SLC4A4: variants seen among roughly 807,000 people sequenced by gnomAD.
The protein encoded by SLC4A4 is electrogenic sodium bicarbonate cotransporter 1.
SLC4A4 carries 27 observed loss-of-function variants against 111.5 expected under a neutral mutation model. The observed-to-expected ratio is 0.24, with a 90% confidence interval of 0.18 to 0.33. The LOEUF (loss-of-function observed/expected upper bound fraction) is 0.33. Among genes scored for constraint, SLC4A4 ranks in the 10% least tolerant of loss-of-function variants. The pLI is 1.00. For missense variants in SLC4A4, 909 were observed against 1,315.5 expected, an observed-to-expected ratio of 0.69 and a Z score of 4.78; for synonymous variants, 443 against 463.4, an observed-to-expected ratio of 0.96 and a Z score of 0.57.
At chr4:71,254,892 G>C (rs10938138) in intron 2 of SLC4A4, among the ~76,000 whole-genome samples, 25,760 of 151,928 alleles carry the variant, frequency 0.17, 2,695 homozygotes, top group East Asian at 0.44. Flanking sequence ...ACATGCTTAA[G>C]GTCAGACAAC....
intron 1 of SLC4A4, among the ~76,000 whole-genome samples, chr4:71,085,740 G>A (rs1198034065): frequency 6.6e-6 from 1 of 151,892 alleles, no homozygotes; most frequent in Non-Finnish European, 1.5e-5. Context: ...ATTTCTGAGG[G>A]CTCTGTTCTG....
intron 17 of SLC4A4, among the ~76,000 whole-genome samples, chr4:71,533,037 A>C (rs531654907): frequency 6.6e-6 from 1 of 152,104 alleles, no homozygotes; most frequent in South Asian, 2.1e-4. Context: ...TCTTTTATCT[A>C]TTTTCTAGAA....
At chr4:71,358,929 C>T (rs1190301415) in intron 6 of SLC4A4, among the ~76,000 whole-genome samples, 2 of 151,950 alleles carry the variant, frequency 1.3e-5, no homozygotes, top group African/African-American at 4.8e-5. Flanking sequence ...TGATTTAATT[C>T]GTTTATCATG....
chr4:71,488,782 C>T (rs780007632), intron 15 of SLC4A4, among the ~76,000 whole-genome samples: 1 of 151,508 alleles, frequency 6.6e-6, no homozygotes, highest in Non-Finnish European at 1.5e-5. Flanking sequence ...TATAGATGCC[C>T]CATATTCCAG....
chr4:71,103,168 C>T (rs1038974885), intron 2 of SLC4A4, among the ~76,000 whole-genome samples: 4 of 151,428 alleles, frequency 2.6e-5, no homozygotes, highest in East Asian at 1.9e-4. Flanking sequence ...TCAAAAGAGA[C>T]AAAGAAGGCC....
intron 7 of SLC4A4, among the ~76,000 whole-genome samples, chr4:71,439,186 T>C (rs1724438574): frequency 6.6e-6 from 1 of 151,556 alleles, no homozygotes; most frequent in Non-Finnish European, 1.5e-5. Flanking sequence ...CCCAGCACTT[T>C]GGGAGGCTGA....
At chr4:71,159,234 T>C (rs1039809233) in intron 2 of SLC4A4, among the ~76,000 whole-genome samples, 31 of 152,214 alleles carry the variant, frequency 2.0e-4, no homozygotes, top group African/African-American at 7.2e-4. Context: ...GGATAGACCA[T>C]AGAGTTTTAA....
chr4:71,345,650 C>A (rs1729261307), intron 4 of SLC4A4, among the ~76,000 whole-genome samples: 1 of 152,088 alleles, frequency 6.6e-6, no homozygotes, highest in South Asian at 2.1e-4. Flanking sequence ...GATTTAAGGG[C>A]ATGGCCATTA....
chr4:71,247,034 G>A (rs1398177752), intron 2 of SLC4A4, among the ~76,000 whole-genome samples: 1 of 151,926 alleles, frequency 6.6e-6, no homozygotes, highest in African/African-American at 2.4e-5. Flanking sequence ...TGAAGATTCT[G>A]GGATTCTAGG....
At position 71,563,882 on chromosome 4, in the gene SLC4A4, T is replaced by G. The variant is rs1198227601; in HGVS notation, c.3189T>G (p.Pro1063=). The part of the protein sequence containing the change: ...EQQPFLSDSK[P]SDRERSPTFL... ...AACCTTTCCTAAGCGATAGCAAACC[T>G]TCTGACAGTGAGTAGAACTAACCTC... The change falls in exon 24 of 26, where the codon CCT becomes CCG. Residue 1063 remains proline (P), a synonymous_variant. Transcript: ENST00000264485. The G allele has an allele frequency of 1.9e-6, 3 of 1,602,030 alleles. No homozygotes were observed. Among genetic ancestry groups the G allele is most frequent in the South Asian group, 1.1e-5 (1 of 90,844 alleles).
At chr4:71,312,710 A>C (rs1406772847) in intron 3 of SLC4A4, among the ~76,000 whole-genome samples, 1 of 152,142 alleles carries the variant, frequency 6.6e-6, no homozygotes, top group African/African-American at 2.4e-5. Context: ...AGGCCTTTGA[A>C]AAAATTCAAC....
rs1277043459 is a variant in SLC4A4, at chr4:71,089,435, G to T, written c.-64-3295G>T. On this transcript the variant is annotated intron_variant, in intron 1 of 26. Coordinates refer to the SLC4A4 transcript ENST00000649996. ...CTCTGTCCAGCTTTGTTCCATTGCT[G>T]GTGAGGAGCTGTGTTCCTTTGGAGG... is the stretch of plus-strand genomic sequence containing the variant. Among the ~76,000 whole-genome samples, 10 of 152,166 alleles carry T rather than the reference G, an allele frequency of 6.6e-5. No homozygotes were observed. The South Asian group carries it at 1.9e-3, about 28-fold the overall frequency.
chr4:71,102,289 G>T (rs1454765044), intron 2 of SLC4A4, among the ~76,000 whole-genome samples: 1 of 149,376 alleles, frequency 6.7e-6, no homozygotes, highest in Non-Finnish European at 1.5e-5. Context: ...CCAAATCTAC[G>T]TCTGATTGGT....
chr4:71,331,198 A>C (rs1042395712), intron 3 of SLC4A4, among the ~76,000 whole-genome samples: 5 of 152,318 alleles, frequency 3.3e-5, no homozygotes, highest in South Asian at 2.1e-4. Flanking sequence ...CTAGAACTAG[A>C]AATACCATTT....
chr4:71,156,588 G>GCGCGCGCACACACACACACACACA (rs376043069), intron 2 of SLC4A4, among the ~76,000 whole-genome samples: 4 of 138,512 alleles, frequency 2.9e-5, no homozygotes, highest in South Asian at 5.4e-4. Flanking sequence ...GCGCGCGCGC[G>GCGCGCGCACACACACACACACACA]CACACACACA....
chr4:71,265,063 G>A (rs1005386819), intron 3 of SLC4A4, among the ~76,000 whole-genome samples: 3 of 152,126 alleles, frequency 2.0e-5, no homozygotes, highest in Admixed American at 1.3e-4. Flanking sequence ...ATCTGTCTAT[G>A]CTATATTTTC....
At chr4:71,350,375 TTTA>T (rs890444655) in intron 5 of SLC4A4, among the ~76,000 whole-genome samples, 2 of 151,902 alleles carry the variant, frequency 1.3e-5, no homozygotes, top group Non-Finnish European at 2.9e-5. Context: ...TTTATTTTAT[TTTA>T]TTATTATTAT....
intron 16 of SLC4A4, among the ~76,000 whole-genome samples, chr4:71,518,073 G>A (rs1732573277): frequency 6.6e-6 from 1 of 152,142 alleles, no homozygotes; most frequent in Non-Finnish European, 1.5e-5. Context: ...ACTAGAGCCT[G>A]GCTCCATGGG....
intron 1 of SLC4A4, among the ~76,000 whole-genome samples, chr4:71,090,513 G>C (rs1320326717): frequency 1.3e-5 from 2 of 152,122 alleles, no homozygotes; most frequent in African/African-American, 4.8e-5. Context: ...TTTTTATTAA[G>C]AAATAAAAAT....
Sources: gnomAD v4.1 joint callset for allele counts (sites outside exome capture counted in the v4.1 genomes callset) on GRCh38, gnomAD v4.1.1 for gene constraint, MANE v1.5 for transcripts, NCBI Gene and HGNC (gene_info 2026-07-23, HGNC 2026-07-21) for gene names.